NSD1: variants seen among roughly 807,000 people sequenced by gnomAD.
NSD1 encodes nuclear receptor binding SET domain protein 1.
In NSD1, 26 loss-of-function variants were observed where a neutral mutation model predicts 242.7. That is an observed-to-expected ratio of 0.11 (90% CI 0.08 to 0.15). The LOEUF is 0.15. Among genes scored for constraint, NSD1 ranks in the 10% least tolerant of loss-of-function variants. NSD1 has a pLI of 1.00. For synonymous variants in NSD1, 1,106 were observed against 1,178.1 expected (o/e 0.94, Z 1.25); for missense variants, 2,495 against 3,272.8 (o/e 0.76, Z 5.80).
At chr5:177,141,575 C>T (rs1756827762) in intron 2 of NSD1, among the ~76,000 whole-genome samples, 1 of 151,896 alleles carries the variant, frequency 6.6e-6, no homozygotes, top group Non-Finnish European at 1.5e-5. Flanking sequence ...AGTGATCCAC[C>T]TGCTTCAGTC....
In NSD1 at chr5:177,210,063, C is replaced by T. The variant is rs925398929; in HGVS notation, c.1664C>T (p.Ala555Val). ...GCCTCTAATGAACTTTCCAGGATAG[C>T]AAATAGCCTCACAGGGTCCAACACT... ...TQASNELSRI[A>V]NSLTGSNTAP... The change falls in exon 5 of 23, where the codon GCA (alanine) becomes GTA (valine). Residue 555 changes from alanine (A) to valine (V), a missense_variant. Ala to Val is a moderately conservative substitution (Grantham distance 64). Coordinates refer to ENST00000439151, the MANE Select transcript of NSD1 (RefSeq NM_022455.5). 4 of 1,613,902 alleles carry T rather than the reference C, an allele frequency of 2.5e-6. No individual in the cohort carries two copies. Among genetic ancestry groups the T allele is most frequent in the Admixed American group, 1.7e-5 (1 of 59,974 alleles).
chr5:177,224,465 CAT>C (rs768594502), intron 5 of NSD1, among the ~76,000 whole-genome samples: 109 of 151,860 alleles, frequency 7.2e-4, no homozygotes, highest in Middle Eastern at 3.4e-3. Context: ...CAAATTATCT[CAT>C]GTTTATGAAA....
chr5:177,147,710 C>T (rs933975034), intron 2 of NSD1, among the ~76,000 whole-genome samples: 1 of 151,912 alleles, frequency 6.6e-6, no homozygotes, highest in African/African-American at 2.4e-5. Flanking sequence ...CTGCCTCAGC[C>T]TCCTGAGCAG....
At position 177,143,701 on chromosome 5, in the gene NSD1, T is replaced by TA. The variant is rs575693963; in HGVS notation, c.927+7671_927+7672insA. ...GTGTTTACTGGAAGAAGTCCCTTAA[T>TA]GTCTCTAAGGCCCATTTCCTCAGTT... On this transcript the variant is annotated intron_variant, in intron 2 of 22. Transcript: ENST00000439151. Among the ~76,000 whole-genome samples the TA allele has an allele frequency of 1.5e-4, 23 of 152,252 alleles. 1 individual carries two copies. In the South Asian group the frequency reaches 4.8e-3, roughly 32 times the overall value.
At chr5:177,141,747 G>A (rs1756847146) in intron 2 of NSD1, among the ~76,000 whole-genome samples, 2 of 152,044 alleles carry the variant, frequency 1.3e-5, no homozygotes, top group Non-Finnish European at 2.9e-5. Context: ...ACTCTCTTCT[G>A]AACTGACTTC....
intron 2 of NSD1, among the ~76,000 whole-genome samples, chr5:177,153,363 G>T (rs1165902275): frequency 6.6e-6 from 1 of 151,928 alleles, no homozygotes; most frequent in Non-Finnish European, 1.5e-5. Context: ...TTTAGCATTT[G>T]TCCCACACTT....
At chr5:177,158,818 T>G (rs1758417355) in intron 2 of NSD1, among the ~76,000 whole-genome samples, 2 of 65,752 alleles carry the variant, frequency 3.0e-5, no homozygotes, top group Non-Finnish European at 4.7e-5. Flanking sequence ...TGAGACTTCA[T>G]CTCAAAAAAA....
intron 12 of NSD1, among the ~76,000 whole-genome samples, chr5:177,253,669 G>A (rs1037571537): frequency 6.7e-6 from 1 of 150,020 alleles, no homozygotes. Flanking sequence ...GTCTCTCTCT[G>A]TCGCCTAGTC....
intron 3 of NSD1, among the ~76,000 whole-genome samples, chr5:177,194,422 C>G (rs956603776): frequency 1.3e-5 from 2 of 148,160 alleles, no homozygotes; most frequent in Non-Finnish European, 3.0e-5. Context: ...GGAGCACAGA[C>G]GTGTGCCACC....
chr5:177,239,552 A>G (rs1765696245), intron 7 of NSD1, among the ~76,000 whole-genome samples: 1 of 152,232 alleles, frequency 6.6e-6, no homozygotes, highest in Non-Finnish European at 1.5e-5. Context: ...CCCTCACATT[A>G]GTTGGTGCTT....
intron 2 of NSD1, among the ~76,000 whole-genome samples, chr5:177,186,229 T>G (rs991296662): frequency 1.4e-5 from 2 of 147,736 alleles, no homozygotes; most frequent in Admixed American, 7.1e-5. Flanking sequence ...AGGTGGAAGC[T>G]GCAATGGGCT....
At position 177,295,589 on chromosome 5, in the gene NSD1, C is replaced by T. The variant is rs1037389071; in HGVS notation, c.*130C>T. ...AACACTTTCCCACTGTTATTCTTTC[C>T]TCATATCCCAACACTCAGAACTCTT... On this transcript the variant is annotated 3_prime_UTR_variant, in exon 23 of 23. Coordinates refer to ENST00000439151, the MANE Select transcript of NSD1 (RefSeq NM_022455.5). The surrounding 1 kb of genome is among the most constrained non-coding windows in gnomAD (Gnocchi z 4.3). The T allele has an allele frequency of 5.2e-6, 5 of 962,176 alleles. No individual in the cohort carries two copies. Among genetic ancestry groups the T allele is most frequent in the Non-Finnish European group, 8.1e-6 (5 of 617,132 alleles). 59.6% of individuals were successfully genotyped at this position (962,176 alleles called of 1,614,324 possible). A position where few individuals can be genotyped will look rare whatever the true frequency, so the allele number is the denominator to read the frequency against.
At chr5:177,205,460 G>C (rs1246843765) in intron 4 of NSD1, among the ~76,000 whole-genome samples, 1 of 151,424 alleles carries the variant, frequency 6.6e-6, no homozygotes, top group Non-Finnish European at 1.5e-5. Flanking sequence ...GATGTTTTAT[G>C]TTAAATTTGG....
chr5:177,176,173 G>GC (rs1200235408), intron 2 of NSD1, among the ~76,000 whole-genome samples: 2 of 152,064 alleles, frequency 1.3e-5, no homozygotes, highest in African/African-American at 2.4e-5. Context: ...ACTGCGCCCG[G>GC]CCCGATTGCA....
At position 177,295,153 on chromosome 5, in the gene NSD1, G is replaced by T; in HGVS notation, c.7785G>T (p.Lys2595Asn). 1 of 1,614,160 alleles carries T rather than the reference G, an allele frequency of 6.2e-7. No homozygotes were observed. Among genetic ancestry groups the T allele is most frequent in the Non-Finnish European group, 8.5e-7 (1 of 1,179,996 alleles). ...GGQQLPALAAKSGQSFRSLGK... is the reference protein window; with the variant it reads ...GGQQLPALAANSGQSFRSLGK... ...AGCAACTACCTGCACTTGCCGCCAA[G>T]AGTGGGCAATCTTTTAGGTCTCTCG... Residue 2595 changes from lysine to asparagine, a missense_variant, in exon 23 of 23, where the codon AAG (lysine) becomes AAT (asparagine). Around this residue, in one of 19 missense-constraint regions of NSD1, gnomAD observed 475 missense variants for 563.7 expected, o/e 0.84. Transcript: ENST00000439151. The surrounding 1 kb of genome is among the most constrained non-coding windows in gnomAD (Gnocchi z 4.3).
intron 3 of NSD1, among the ~76,000 whole-genome samples, chr5:177,199,499 T>G (rs1445995298): frequency 6.6e-6 from 1 of 152,244 alleles, no homozygotes; most frequent in Non-Finnish European, 1.5e-5. Context: ...TCAAACAGTC[T>G]TCTTGCCTTG....
chr5:177,269,552 A>G lies in NSD1; in HGVS notation c.5304-50A>G, dbSNP rs566342461. The G allele has an allele frequency of 6.5e-7, 1 of 1,536,268 alleles. No individual in the cohort carries two copies. Among genetic ancestry groups the G allele is most frequent in the African/African-American group, 1.4e-5 (1 of 73,430 alleles). ...TTTATATGAGTAGGTTATTTTCCTAATGCCTTGCAGCCTTCTAGAGGTTTT... is the reference window on the plus strand; with the variant it reads ...TTTATATGAGTAGGTTATTTTCCTAGTGCCTTGCAGCCTTCTAGAGGTTTT... On this transcript the variant is annotated intron_variant, in intron 15 of 22. Coordinates refer to ENST00000439151, the MANE Select transcript of NSD1 (RefSeq NM_022455.5). This position sits in a 1 kb window ranked among gnomAD's most constrained non-coding sequence, Gnocchi z 5.1.
intron 22 of NSD1, among the ~76,000 whole-genome samples, chr5:177,293,492 TTAAG>T (rs1250916250): frequency 6.6e-6 from 1 of 152,056 alleles, no homozygotes; most frequent in Admixed American, 6.6e-5. Context: ...AAGTAATATC[TTAAG>T]TTTCATGTAA....
chr5:177,252,066 T>C (rs2149905004), intron 12 of NSD1, among the ~76,000 whole-genome samples: 1 of 152,346 alleles, frequency 6.6e-6, no homozygotes, highest in African/African-American at 2.4e-5. Flanking sequence ...GTGTTGGTGA[T>C]ACATTTAGAA....
Sources: allele counts gnomAD v4.1 joint callset (sites outside exome capture counted in the v4.1 genomes callset), GRCh38; gene constraint gnomAD v4.1.1; regional missense constraint gnomAD v4.1.1; non-coding constraint Gnocchi (gnomAD v3.1); transcripts MANE v1.5; gene names NCBI Gene and HGNC (gene_info 2026-07-23, HGNC 2026-07-21).